LYRM1: variants seen among roughly 807,000 people sequenced by gnomAD.
The protein encoded by LYRM1 is LYR motif containing 1, also known as LYR motif-containing protein 1.
LYRM1 carries 14 observed loss-of-function variants against 14.9 expected under a neutral mutation model. That is an observed-to-expected ratio of 0.94 (90% CI 0.62 to 1.47). The LOEUF (loss-of-function observed/expected upper bound fraction) is 1.47. Ranked by LOEUF, LYRM1 falls within the 40% of genes most tolerant of loss-of-function variation. The pLI is 0.00. For synonymous variants in LYRM1, 43 were observed against 56.2 expected (o/e 0.77, Z 1.05); for missense variants, 153 against 149.9 (o/e 1.02, Z -0.11).
intron 1 of LYRM1, among the ~76,000 whole-genome samples, chr16:20,915,208 C>G (rs1358303744): frequency 1.3e-5 from 2 of 152,186 alleles, no homozygotes; most frequent in African/African-American, 4.8e-5. Context: ...CACGGTGGCT[C>G]ACGCTTGTAA....
At chr16:20,914,297 T>C (rs79457195) in intron 1 of LYRM1, among the ~76,000 whole-genome samples, 1 of 146,796 alleles carries the variant, frequency 6.8e-6, no homozygotes, top group Admixed American at 6.8e-5. Flanking sequence ...TTTTTTTTTT[T>C]TTCTTTTTGG....
At chr16:20,906,805 G>C (rs965513788) in intron 1 of LYRM1, among the ~76,000 whole-genome samples, 4 of 152,154 alleles carry the variant, frequency 2.6e-5, no homozygotes, top group Non-Finnish European at 4.4e-5. Context: ...AGTGGATGAG[G>C]CCCCTCATAC....
intron 2 of LYRM1, among the ~76,000 whole-genome samples, chr16:20,916,407 T>C (rs1323449179): frequency 1.3e-5 from 2 of 152,182 alleles, no homozygotes. Flanking sequence ...CTCTTCCGTC[T>C]CCTCACTGAT....
At chr16:20,910,040 G>A (rs949241325) in intron 1 of LYRM1, among the ~76,000 whole-genome samples, 1 of 152,200 alleles carries the variant, frequency 6.6e-6, no homozygotes, top group African/African-American at 2.4e-5. Context: ...TGTGAGGGAA[G>A]CAGGAAGATT....
At chr16:20,900,580 AT>A (rs923481355), upstream of LYRM1, 5 of 151,602 alleles carry the variant, frequency 3.3e-5, no homozygotes, top group Non-Finnish European at 7.4e-5. Context: ...GGGCTGGACC[AT>A]TTTTTTTTCT....
intron 1 of LYRM1, among the ~76,000 whole-genome samples, chr16:20,913,773 G>C (rs2082721067): frequency 6.6e-6 from 1 of 152,082 alleles, no homozygotes; most frequent in Non-Finnish European, 1.5e-5. Context: ...TAAAAACCCA[G>C]AGGGGCCTTG....
chr16:20,904,392 TG>T (rs2082213115), intron 1 of LYRM1, among the ~76,000 whole-genome samples: 1 of 152,192 alleles, frequency 6.6e-6, no homozygotes, highest in Non-Finnish European at 1.5e-5. Flanking sequence ...TTTTTTGTTT[TG>T]GCCCCGTGTT....
intron 2 of LYRM1, among the ~76,000 whole-genome samples, chr16:20,917,747 G>C (rs2082980207): frequency 1.3e-5 from 2 of 152,156 alleles, no homozygotes; most frequent in South Asian, 4.1e-4. Flanking sequence ...AACAGAGGAA[G>C]ACTCTGTCAC....
intron 2 of LYRM1, among the ~76,000 whole-genome samples, chr16:20,916,763 C>T (rs1247515048): frequency 6.6e-6 from 1 of 152,232 alleles, no homozygotes; most frequent in Non-Finnish European, 1.5e-5. Context: ...TGTCACCACT[C>T]TGCAACTCTT....
chr16:20,906,516 A>C (rs928042446), intron 1 of LYRM1, among the ~76,000 whole-genome samples: 1 of 152,200 alleles, frequency 6.6e-6, no homozygotes, highest in Non-Finnish European at 1.5e-5. Flanking sequence ...AATAAATGGA[A>C]AGGGGTGTTT....
chr16:20,921,963 C>T (rs1444101085), intron 3 of LYRM1: 2 of 151,544 alleles, frequency 1.3e-5, no homozygotes, highest in Non-Finnish European at 2.9e-5. Flanking sequence ...TTCATGTCTT[C>T]TGCACATCTT....
Position 20,924,597 on chromosome 16 carries a change from C to G in LYRM1, c.*481C>G, listed in dbSNP as rs1020477298. 1 of 151,816 alleles carries G rather than the reference C, an allele frequency of 6.6e-6. No homozygotes were observed. Among genetic ancestry groups the G allele is most frequent in the African/African-American group, 2.4e-5 (1 of 41,224 alleles). The allele number at this position is 151,816 out of a possible 1,614,324, so 9.4% of individuals were successfully genotyped here. On this transcript the variant is annotated 3_prime_UTR_variant, in exon 4 of 4. Transcript: ENST00000567954. ...GCTTTTTTGTTGTCTTTTGACCCTT[C>G]CAGTTTCCAGACAAACTTGTCTTAA... is the stretch of plus-strand genomic sequence containing the variant.
chr16:20,915,423 G>A lies in LYRM1; in HGVS notation c.1-133G>A, dbSNP rs1468732620. The A allele has an allele frequency of 1.1e-5, 9 of 783,606 alleles. 1 individual carries two copies. Among genetic ancestry groups the A allele is most frequent in the South Asian group, 3.7e-5 (2 of 53,704 alleles). The allele number at this position is 783,606 out of a possible 1,614,324, so 48.5% of individuals were successfully genotyped here. On this transcript the variant is annotated intron_variant, in intron 1 of 3. Transcript: ENST00000567954. ...TCCAGTGAGCCGAGATTGCACCACT[G>A]CACTACAGCCTGGGCGACAGAGCAA...
chr16:20,908,657 C>A (rs886523980), intron 1 of LYRM1, among the ~76,000 whole-genome samples: 1 of 152,232 alleles, frequency 6.6e-6, no homozygotes, highest in East Asian at 1.9e-4. Context: ...GAACAAGATA[C>A]AATCCCTGCC....
chr16:20,902,197 G>A (rs1047844521), intron 1 of LYRM1, among the ~76,000 whole-genome samples: 2 of 152,238 alleles, frequency 1.3e-5, no homozygotes, highest in African/African-American at 4.8e-5. Flanking sequence ...TGCAGGACTT[G>A]CTGGGGAATT....
At chr16:20,916,943 C>T (rs138584496) in intron 2 of LYRM1, among the ~76,000 whole-genome samples, 2 of 151,908 alleles carry the variant, frequency 1.3e-5, no homozygotes, top group East Asian at 3.9e-4. Flanking sequence ...AAAGGCTGGA[C>T]ATGGTGGCTC....
At chr16:20,911,866 G>A (rs1367273566) in intron 1 of LYRM1, among the ~76,000 whole-genome samples, 3 of 151,930 alleles carry the variant, frequency 2.0e-5, no homozygotes, top group African/African-American at 7.3e-5. Context: ...CCAAAGTACT[G>A]GGATTATAGG....
At chr16:20,913,806 T>C (rs942359850) in intron 1 of LYRM1, among the ~76,000 whole-genome samples, 2 of 146,678 alleles carry the variant, frequency 1.4e-5, no homozygotes, top group African/African-American at 2.5e-5. Context: ...ATCAGAAAGA[T>C]TTTTTTTTTT....
chr16:20,916,086 T>TG (rs57723741), intron 2 of LYRM1, among the ~76,000 whole-genome samples: 93,065 of 151,428 alleles, frequency 0.61, 30,071 homozygotes, highest in Non-Finnish European at 0.73. Flanking sequence ...GTTGTTGTTT[T>TG]TTTTTTCAAT....
Sources: gnomAD v4.1 joint callset for allele counts (sites outside exome capture counted in the v4.1 genomes callset) on GRCh38, gnomAD v4.1.1 for gene constraint, MANE v1.5 for transcripts, NCBI Gene and HGNC (gene_info 2026-07-23, HGNC 2026-07-21) for gene names.